PUS7: variants seen among roughly 807,000 people sequenced by gnomAD.
PUS7 encodes the protein pseudouridylate synthase 7 homolog.
PUS7 carries 48 observed loss-of-function variants against 79.8 expected under a neutral mutation model. The ratio of observed to expected loss-of-function variants is 0.60; its 90% CI spans 0.48 to 0.76. The LOEUF (loss-of-function observed/expected upper bound fraction) is 0.76, where lower values mean the gene tolerates loss of function less well. PUS7 is among the 30% of genes least tolerant of loss of function. The pLI, the probability that PUS7 is intolerant of heterozygous loss-of-function variation, is 0.00. For missense variants in PUS7, 729 were observed against 797.6 expected (o/e 0.91, Z 1.04); for synonymous variants, 286 against 272.2 (o/e 1.05, Z -0.50).
In PUS7 at chr7:105,508,140, C is replaced by T. The variant is rs1262994809; in HGVS notation, c.373G>A (p.Gly125Arg). ...GITKFVSSHQ[G>R]FSGILKERYS... is the part of the protein sequence containing the mutation. ...CTTTCTTTTAAGATTCCCGAGAACC[C>T]TTGATGAGAACTCACAAACTTGGTG... Residue 125 changes from glycine to arginine, a missense_variant, in exon 2 of 16, where the codon GGG becomes AGG. By Grantham distance (125) the Gly-to-Arg change is moderately radical. Coordinates refer to ENST00000469408, the MANE Select transcript of PUS7 (RefSeq NM_019042.5). 6.2e-7 allele frequency: 1 copy of T among 1,613,820 alleles called. No individual in the cohort carries two copies. Among genetic ancestry groups the T allele is most frequent in the Admixed American group, 1.7e-5 (1 of 59,964 alleles).
chr7:105,473,949 T>A (rs1489648676), intron 9 of PUS7, among the ~76,000 whole-genome samples: 3 of 152,378 alleles, frequency 2.0e-5, no homozygotes, highest in Admixed American at 6.5e-5. Context: ...TAGAGCATAT[T>A]TTTGTTGGCA....
chr7:105,494,988 AAAAAG>A (rs1337760098), intron 6 of PUS7, among the ~76,000 whole-genome samples, 149 bp downstream of exon 6: 2 of 151,328 alleles, frequency 1.3e-5, no homozygotes, highest in Non-Finnish European at 2.9e-5. Context: ...AAAAAAAAAA[AAAAAG>A]AAAGAAAGAA....
At chr7:105,470,088 G>A (rs565365191) in intron 11 of PUS7, among the ~76,000 whole-genome samples, 1 of 152,314 alleles carries the variant, frequency 6.6e-6, no homozygotes, top group African/African-American at 2.4e-5. Context: ...GTTAAAGAGA[G>A]AACCTAAATG....
At chr7:105,492,507 T>TG (rs1258951596) in intron 6 of PUS7, among the ~76,000 whole-genome samples, 1 of 137,470 alleles carries the variant, frequency 7.3e-6, no homozygotes, top group African/African-American at 2.7e-5. Flanking sequence ...TGTATTTTTT[T>TG]TTTTTTTTTT....
At chr7:105,477,619 G>T (rs76806857) in intron 9 of PUS7, among the ~76,000 whole-genome samples, 4 of 151,960 alleles carry the variant, frequency 2.6e-5, no homozygotes, top group African/African-American at 9.7e-5. Context: ...ATTCACCCAT[G>T]TAAGTGTACA....
chr7:105,468,777 CA>C (rs1823762723), intron 11 of PUS7, among the ~76,000 whole-genome samples: 1 of 152,048 alleles, frequency 6.6e-6, no homozygotes, highest in East Asian at 1.9e-4. Flanking sequence ...CTTGGCCTCC[CA>C]AAGTGCTGGA....
At chr7:105,474,565 A>G (rs1824005000) in intron 9 of PUS7, among the ~76,000 whole-genome samples, 1 of 151,310 alleles carries the variant, frequency 6.6e-6, no homozygotes, top group Non-Finnish European at 1.5e-5. Flanking sequence ...TCAGGAGATC[A>G]AGACCATCCT....
chr7:105,468,570 T>G (rs1586098326), intron 11 of PUS7, 107 bp from the exon 12 acceptor site: 1 of 1,008,208 alleles, frequency 9.9e-7, no homozygotes, highest in Non-Finnish European at 1.4e-6. Context: ...CAGGCTGGAG[T>G]GCAGTGGCAC....
chr7:105,496,367 T>C (rs1825037667), intron 5 of PUS7, among the ~76,000 whole-genome samples: 1 of 151,772 alleles, frequency 6.6e-6, no homozygotes, highest in African/African-American at 2.4e-5. Flanking sequence ...CGCTGTACAA[T>C]AACATTCATG....
intron 15 of PUS7, among the ~76,000 whole-genome samples, chr7:105,458,965 A>C (rs1383466254): frequency 6.6e-6 from 1 of 152,138 alleles, no homozygotes. Context: ...ACAACCATCT[A>C]TAACATGCAC....
At chr7:105,496,901 G>A (rs953072045) in intron 5 of PUS7, 162 of 1,147,018 alleles carry the variant, frequency 1.4e-4, no homozygotes, top group Non-Finnish European at 1.6e-4. Context: ...TAGCACTTGT[G>A]ACAAAATCTT....
rs1049864438 is a variant in PUS7 at position 105,502,448 on chromosome 7, G to C, written c.702C>G (p.Tyr234Ter). The C allele has an allele frequency of 6.2e-7, 1 of 1,614,008 alleles. No individual in the cohort carries two copies. Among genetic ancestry groups the C allele is most frequent in the African/African-American group, 1.3e-5 (1 of 74,926 alleles). ...CCAAAGCCTTTTTCCCAGCTGCGTG[G>C]TAGGCTACAATGTATTTCTTCCCCT... Reference protein sequence around the residue: ...DREGKKYIVAYHAAGKKALAN... With the variant: ...DREGKKYIVA Residue 234 changes from tyrosine to a stop codon, truncating the protein, a stop_gained, in exon 5 of 16, where the codon TAC becomes TAG. Transcript: ENST00000469408. LOFTEE classifies it high-confidence loss of function.
At chr7:105,517,787 G>C (rs1825953042) in intron 1 of PUS7, among the ~76,000 whole-genome samples, 1 of 151,830 alleles carries the variant, frequency 6.6e-6, no homozygotes, top group African/African-American at 2.4e-5. Flanking sequence ...CAGGTAGATG[G>C]CTTGAGACCA....
chr7:105,495,305 G>A (rs775449087), intron 5 of PUS7, 52 bp from the exon 6 acceptor site: 5 of 1,050,364 alleles, frequency 4.8e-6, no homozygotes, highest in Non-Finnish European at 5.8e-6. Flanking sequence ...AGTTATAGAT[G>A]TAAGAGCTCA....
At position 105,495,684 on chromosome 7, in the gene PUS7, G is replaced by A. The variant is rs111552078; in HGVS notation, c.731-431C>T. ...CACATGAACATGTAGGGTGGAGGTT[G>A]TAGTGAACCGAGATCATGCTACTGC... On this transcript the variant is annotated intron_variant, in intron 5 of 15. Coordinates refer to ENST00000469408, the MANE Select transcript of PUS7 (RefSeq NM_019042.5). Among the ~76,000 whole-genome samples, 1,467 of 152,216 alleles carry A rather than the reference G, an allele frequency of 9.6e-3. 31 individuals are homozygous for A. Among genetic ancestry groups the A allele is most frequent in the African/African-American group, 0.034 (1,398 of 41,508 alleles).
At chr7:105,496,826 G>T (rs1198225575) in intron 5 of PUS7, 1 of 356,852 alleles carries the variant, frequency 2.8e-6, no homozygotes, top group Non-Finnish European at 4.1e-6. Context: ...GAAAACTGTT[G>T]AGCAGGAATA....
At chr7:105,521,235 G>C (rs1056995190) in intron 1 of PUS7, among the ~76,000 whole-genome samples, 20 of 147,322 alleles carry the variant, frequency 1.4e-4, no homozygotes, top group African/African-American at 2.9e-4. Flanking sequence ...CTTGGGGATG[G>C]GGGGGAGGGA....
rs574256225 is a variant in PUS7, at chr7:105,494,891, G to T, written c.842+251C>A. On this transcript the variant is annotated intron_variant, in intron 6 of 15. Coordinates refer to ENST00000469408, the MANE Select transcript of PUS7 (RefSeq NM_019042.5). ...CTCAGGAGGCTAAGGTAGGAGGAAT[G>T]CCTGAGCCCAGGAAGTCAAGGCTGC... Among the ~76,000 whole-genome samples the T allele has an allele frequency of 2.0e-5, 3 of 150,984 alleles. No individual in the cohort carries two copies. In the South Asian group the frequency reaches 6.3e-4, roughly 32 times the overall value.
intron 5 of PUS7, among the ~76,000 whole-genome samples, chr7:105,499,426 A>C (rs1345177140): frequency 6.6e-6 from 1 of 152,196 alleles, no homozygotes; most frequent in Non-Finnish European, 1.5e-5. Context: ...TGTACCTATC[A>C]CATGGCAGAA....
Sources: gnomAD v4.1 joint callset for allele counts (sites outside exome capture counted in the v4.1 genomes callset) on GRCh38, gnomAD v4.1.1 for gene constraint, MANE v1.5 for transcripts, NCBI Gene and HGNC (gene_info 2026-07-23, HGNC 2026-07-21) for gene names.